Variants in TIAM1 observed in about 807,000 individuals in gnomAD.
TIAM1 encodes the protein rho guanine nucleotide exchange factor TIAM1.
In TIAM1, 65 loss-of-function variants were observed where a neutral mutation model predicts 163.5. The observed-to-expected ratio is 0.40, with a 90% CI of 0.33 to 0.49. The LOEUF is 0.49. TIAM1 is among the 20% of genes least tolerant of loss of function. The pLI is 0.77. For missense variants in TIAM1, 1,789 were observed against 2,044.7 expected (o/e 0.87, Z 2.41); for synonymous variants, 833 against 810.1 (o/e 1.03, Z -0.48).
At chr21:31,510,373 C>T (rs1255996982) in intron 1 of TIAM1, among the ~76,000 whole-genome samples, 1 of 152,152 alleles carries the variant, frequency 6.6e-6, no homozygotes, top group East Asian at 1.9e-4. Context: ...TGGATTAGAG[C>T]CCACCCTAAG....
intron 3 of TIAM1, among the ~76,000 whole-genome samples, chr21:31,270,413 T>C (rs1487822368): frequency 6.6e-6 from 1 of 152,188 alleles, no homozygotes; most frequent in African/African-American, 2.4e-5. Flanking sequence ...ATCTCAAGCT[T>C]GGAAACACTA....
intron 1 of TIAM1, among the ~76,000 whole-genome samples, chr21:31,534,622 C>A (rs1602509868): frequency 6.6e-6 from 1 of 152,148 alleles, no homozygotes; most frequent in South Asian, 2.1e-4. Flanking sequence ...TGCAGTGAGT[C>A]GAGATCACGC....
intron 2 of TIAM1, among the ~76,000 whole-genome samples, chr21:31,369,884 C>G (rs745890852): frequency 2.0e-5 from 3 of 152,118 alleles, no homozygotes; most frequent in Non-Finnish European, 2.9e-5. Flanking sequence ...ACTCAGGAGG[C>G]TGAGGCAGGA....
intron 2 of TIAM1, among the ~76,000 whole-genome samples, chr21:31,408,998 C>A (rs928440311): frequency 2.0e-5 from 3 of 152,192 alleles, no homozygotes; most frequent in South Asian, 2.1e-4. Flanking sequence ...CACATGCCCC[C>A]CCCTCCAGGC....
At chr21:31,551,692 G>T (rs1027891457) in intron 1 of TIAM1, among the ~76,000 whole-genome samples, 1 of 152,142 alleles carries the variant, frequency 6.6e-6, no homozygotes, top group Non-Finnish European at 1.5e-5. Flanking sequence ...GCAGTGAGCC[G>T]TGACTGCACT....
chr21:31,338,012 C>A (rs186656123), intron 2 of TIAM1, among the ~76,000 whole-genome samples: 18 of 152,248 alleles, frequency 1.2e-4, no homozygotes, highest in Admixed American at 6.5e-4. Flanking sequence ...ACCCCCAGGG[C>A]ATCCCTAGCA....
chr21:31,291,022 T>C (rs1161998803), intron 2 of TIAM1, among the ~76,000 whole-genome samples: 2 of 152,124 alleles, frequency 1.3e-5, no homozygotes, highest in South Asian at 2.1e-4. Flanking sequence ...CCTTCACCAG[T>C]AGTTAATAAA....
chr21:31,243,959 C>G (rs934145419), intron 6 of TIAM1, among the ~76,000 whole-genome samples: 1 of 152,192 alleles, frequency 6.6e-6, no homozygotes, highest in African/African-American at 2.4e-5. Flanking sequence ...AAGACATACT[C>G]AATTCAACTA....
chr21:31,236,691 G>A (rs2088786906), intron 6 of TIAM1, among the ~76,000 whole-genome samples: 1 of 152,120 alleles, frequency 6.6e-6, no homozygotes, highest in South Asian at 2.1e-4. Context: ...GATGTTGAGG[G>A]TTTAAGATAC....
chr21:31,211,456 A>C (rs2086884124), intron 10 of TIAM1, among the ~76,000 whole-genome samples: 1 of 152,238 alleles, frequency 6.6e-6, no homozygotes. Context: ...GTTGGTAAAT[A>C]TGTATCTACT....
In TIAM1 at chr21:31,182,597, T is replaced by A; in HGVS notation, c.2711A>T (p.Asp904Val). ...TTTGAGCATAGAAGAGTTCAGGGCG[T>A]CAGCAGCACGATTATTGATCTCAAG... ...EILEINNRAA[D>V]ALNSSMLKDF... Residue 904 changes from aspartate to valine, a missense_variant, in exon 15 of 28, where the codon GAC (aspartate) becomes GTC (valine). Transcript: ENST00000541036. 1 of 1,613,786 alleles carries A rather than the reference T, an allele frequency of 6.2e-7. No homozygotes were observed. The highest frequency in any genetic ancestry group is 1.1e-5 in the South Asian group (1 of 90,958).
At chr21:31,316,103 G>A (rs759729315) in intron 2 of TIAM1, among the ~76,000 whole-genome samples, 8 of 152,154 alleles carry the variant, frequency 5.3e-5, no homozygotes, top group Non-Finnish European at 1.2e-4. Flanking sequence ...TACCAAGGGT[G>A]ATCCACTGTA....
At chr21:31,539,557 GC>G (rs1001058421) in intron 1 of TIAM1, among the ~76,000 whole-genome samples, 81 of 152,190 alleles carry the variant, frequency 5.3e-4, no homozygotes, top group African/African-American at 1.8e-3. Context: ...GAGCCACCGC[GC>G]CCGGCCGGAA....
intron 2 of TIAM1, among the ~76,000 whole-genome samples, chr21:31,292,597 T>C (rs1014247177): frequency 2.8e-4 from 43 of 151,912 alleles, no homozygotes; most frequent in African/African-American, 1.0e-3. Context: ...CTCAAACTCC[T>C]GGCCTCAAGT....
chr21:31,298,787 A>AGG (rs368668286), intron 2 of TIAM1, among the ~76,000 whole-genome samples: 1 of 132,932 alleles, frequency 7.5e-6, no homozygotes, highest in Non-Finnish European at 1.6e-5. Context: ...AGAGAGAGAG[A>AGG]AAAAAAAACA....
At chr21:31,382,537 C>A (rs1167272724) in intron 2 of TIAM1, among the ~76,000 whole-genome samples, 2 of 152,212 alleles carry the variant, frequency 1.3e-5, no homozygotes, top group Non-Finnish European at 2.9e-5. Context: ...CCTGACAACT[C>A]TTTGATCTGT....
At chr21:31,426,791 A>G (rs531664042) in intron 2 of TIAM1, among the ~76,000 whole-genome samples, 1 of 152,326 alleles carries the variant, frequency 6.6e-6, no homozygotes, top group South Asian at 2.1e-4. Flanking sequence ...AGAAAAAGCA[A>G]TTTGTAAGGC....
At chr21:31,170,670 CAACCTATGATGGGGTTATGTCCCAATA>C (rs1261790645) in intron 15 of TIAM1, among the ~76,000 whole-genome samples, 1 of 152,086 alleles carries the variant, frequency 6.6e-6, no homozygotes, top group East Asian at 1.9e-4. Flanking sequence ...AGATGTTCCT[CAACCTATGATGGGGTTATGTCCCAATA>C]AACCCATCAT....
At position 31,266,605 on chromosome 21, in the gene TIAM1, A is replaced by ACAGAGGCTG. The variant is rs1178441245; in HGVS notation, c.359_367dup (p.Ala120_Ser122dup). ...CTCCTCAGTGTCTGGCATGCTCTGC[A>ACAGAGGCTG]CAGAGGCTGCTGTGAGGACGATGCT... On this transcript the variant is annotated inframe_insertion, in exon 4 of 28. Coordinates refer to ENST00000541036, the MANE Select transcript of TIAM1 (RefSeq NM_001353694.2). 6 of 1,614,052 alleles carry ACAGAGGCTG rather than the reference A, an allele frequency of 3.7e-6. No homozygotes were observed. In the Admixed American group the frequency reaches 1.0e-4, roughly 27 times the overall value.
Sources: allele counts gnomAD v4.1 joint callset (sites outside exome capture counted in the v4.1 genomes callset), GRCh38; gene constraint gnomAD v4.1.1; transcripts MANE v1.5; gene names NCBI Gene and HGNC (gene_info 2026-07-23, HGNC 2026-07-21).